The following CPQ variants were observed in gnomAD, a reference collection of about 807,000 sequenced individuals.
The protein encoded by CPQ is carboxypeptidase Q.
CPQ carries 37 observed loss-of-function variants against 45.7 expected under a neutral mutation model. The observed-to-expected ratio is 0.81, with a 90% CI of 0.62 to 1.07. CPQ has a LOEUF of 1.07. Among genes scored for constraint, CPQ ranks in the 50% least tolerant of loss-of-function variants. The pLI, the probability that CPQ is intolerant of heterozygous loss-of-function variation, is 0.00. For missense variants in CPQ, 537 were observed against 572.9 expected (o/e 0.94, Z 0.64); for synonymous variants, 186 against 205.8 (o/e 0.90, Z 0.82).
At chr8:96,994,959 C>G (rs1212918472) in intron 5 of CPQ, among the ~76,000 whole-genome samples, 1 of 151,984 alleles carries the variant, frequency 6.6e-6, no homozygotes, top group Non-Finnish European at 1.5e-5. Flanking sequence ...AGAGTCGAAT[C>G]TAGTGAATGA....
Position 96,760,030 on chromosome 8 carries a change from T to C in CPQ, c.-34-24834T>C, listed in dbSNP as rs553458183. On this transcript the variant is annotated intron_variant, in intron 1 of 7. Transcript: ENST00000220763. ...GACTATACTGCAGTTGGAACCCAGG[T>C]TTCCCTGATTTCAGGCCTCAGCCCT... Among the ~76,000 whole-genome samples the C allele has an allele frequency of 5.1e-4, 78 of 152,272 alleles. No homozygotes were observed. The South Asian group carries it at 0.014, about 28-fold the overall frequency.
At position 97,019,119 on chromosome 8, in the gene CPQ, C is replaced by T. The variant is rs142190859; in HGVS notation, c.962-10284C>T. Among the ~76,000 whole-genome samples the T allele has an allele frequency of 9.4e-4, 143 of 152,266 alleles. 1 individual carries two copies. The highest frequency in any genetic ancestry group is 3.2e-3 in the African/African-American group (132 of 41,552). ...TTTTATCAGCCAAGAATTTTGTACC[C>T]GGCGAAATTAAGCTTCATAAATGAA... On this transcript the variant is annotated intron_variant, in intron 5 of 7. Transcript: ENST00000220763.
chr8:97,024,663 G>C (rs1316558334), intron 5 of CPQ, among the ~76,000 whole-genome samples: 1 of 152,122 alleles, frequency 6.6e-6, no homozygotes, highest in Non-Finnish European at 1.5e-5. Flanking sequence ...AAAGCAGAAA[G>C]AGGTCTCAGA....
intron 1 of CPQ, among the ~76,000 whole-genome samples, chr8:96,765,622 C>G (rs1810458016): frequency 6.6e-6 from 1 of 152,162 alleles, no homozygotes; most frequent in Non-Finnish European, 1.5e-5. Flanking sequence ...TTCACAGGTC[C>G]AAACCCATGT....
chr8:97,096,177 G>A (rs1421651265), intron 7 of CPQ, among the ~76,000 whole-genome samples: 1 of 152,062 alleles, frequency 6.6e-6, no homozygotes. Flanking sequence ...TAATGGGTAA[G>A]GAAACTAACA....
intron 5 of CPQ, among the ~76,000 whole-genome samples, chr8:97,022,942 G>A (rs2130458059): frequency 1.5e-5 from 1 of 67,600 alleles, no homozygotes; most frequent in South Asian, 5.1e-4. Context: ...GTTTATAGCA[G>A]CACAATTTGC....
chr8:97,043,494 A>T (rs1036701591), intron 6 of CPQ, among the ~76,000 whole-genome samples: 3 of 152,016 alleles, frequency 2.0e-5, no homozygotes, highest in Non-Finnish European at 2.9e-5. Context: ...ACATTTAAAG[A>T]TAATATTGTT....
chr8:96,827,806 A>T (rs1010397505), intron 2 of CPQ, among the ~76,000 whole-genome samples: 1 of 152,088 alleles, frequency 6.6e-6, no homozygotes, highest in Non-Finnish European at 1.5e-5. Flanking sequence ...CAGGGTATAT[A>T]GTGATAGGCA....
chr8:97,076,176 C>T (rs1270461078), intron 7 of CPQ, among the ~76,000 whole-genome samples: 1 of 152,108 alleles, frequency 6.6e-6, no homozygotes, highest in East Asian at 1.9e-4. Context: ...CAGGCACACA[C>T]CACCATGCCA....
chr8:96,785,534 T>C (rs983789907), intron 2 of CPQ, among the ~76,000 whole-genome samples: 2 of 152,150 alleles, frequency 1.3e-5, no homozygotes, highest in Non-Finnish European at 2.9e-5. Flanking sequence ...GATCGCTTTT[T>C]AAATGTAGAA....
intron 3 of CPQ, among the ~76,000 whole-genome samples, chr8:96,840,220 T>A (rs1309919525): frequency 6.6e-6 from 1 of 152,112 alleles, no homozygotes; most frequent in African/African-American, 2.4e-5. Context: ...CATGATATAT[T>A]TGGGTAAAAC....
At chr8:96,799,723 A>G (rs1810981684) in intron 2 of CPQ, among the ~76,000 whole-genome samples, 2 of 152,092 alleles carry the variant, frequency 1.3e-5, no homozygotes, top group African/African-American at 4.8e-5. Context: ...TCTTTTATGT[A>G]TTTTGTCTGT....
intron 7 of CPQ, among the ~76,000 whole-genome samples, chr8:97,139,795 G>A (rs1435811301): frequency 6.6e-6 from 1 of 151,908 alleles, no homozygotes; most frequent in East Asian, 1.9e-4. Flanking sequence ...CGTCTGCAGA[G>A]TAATAAACTG....
At chr8:96,677,396 G>A (rs1227123151) in intron 1 of CPQ, among the ~76,000 whole-genome samples, 1 of 152,050 alleles carries the variant, frequency 6.6e-6, no homozygotes, top group Non-Finnish European at 1.5e-5. Context: ...ATCTCATTGT[G>A]GTTTTGATTT....
At chr8:96,675,539 G>A (rs1391475629) in intron 1 of CPQ, among the ~76,000 whole-genome samples, 1 of 151,968 alleles carries the variant, frequency 6.6e-6, no homozygotes, top group Non-Finnish European at 1.5e-5. Flanking sequence ...ACATCCTCGT[G>A]CACAGATCAT....
intron 4 of CPQ, among the ~76,000 whole-genome samples, chr8:96,926,576 C>CTCCTCTTCTTCT (rs1812882597): frequency 1.3e-5 from 1 of 74,976 alleles, no homozygotes; most frequent in African/African-American, 8.2e-5. Context: ...CTTCCTCTTC[C>CTCCTCTTCTTCT]TCTTCTTCTT....
At chr8:97,123,227 A>AAAATAAAAT (rs1168016952) in intron 7 of CPQ, among the ~76,000 whole-genome samples, 1 of 144,958 alleles carries the variant, frequency 6.9e-6, no homozygotes, top group Non-Finnish European at 1.5e-5. Flanking sequence ...AAAATAAAAT[A>AAAATAAAAT]AAATAAAATA....
At chr8:96,673,363 C>A (rs12675345) in intron 1 of CPQ, among the ~76,000 whole-genome samples, 60,744 of 151,816 alleles carry the variant, frequency 0.4, 13,840 homozygotes, top group Non-Finnish European at 0.52. Context: ...AGGTAGTGGG[C>A]CATGACCAGT....
chr8:97,007,053 A>C (rs976106514), intron 5 of CPQ, among the ~76,000 whole-genome samples: 11 of 152,236 alleles, frequency 7.2e-5, no homozygotes, highest in Admixed American at 3.9e-4. Flanking sequence ...ATTCAGCCTC[A>C]GTCATTAAAA....
Sources: allele counts gnomAD v4.1 joint callset (sites outside exome capture counted in the v4.1 genomes callset), GRCh38; gene constraint gnomAD v4.1.1; transcripts MANE v1.5; gene names NCBI Gene and HGNC (gene_info 2026-07-23, HGNC 2026-07-21).